TNPO1: variants seen among roughly 807,000 people sequenced by gnomAD.
TNPO1 encodes transportin-1.
A neutral mutation model predicts 119.5 loss-of-function variants in TNPO1; 8 were observed. The ratio of observed to expected loss-of-function variants is 0.07; its 90% CI spans 0.04 to 0.12. The LOEUF is 0.12. Ranked by LOEUF, TNPO1 falls within the 10% of genes least tolerant of loss-of-function variation. TNPO1 has a pLI of 1.00. For synonymous variants in TNPO1, 362 were observed against 363.0 expected, an observed-to-expected ratio of 1.00 and a Z score of 0.03; for missense variants, 576 against 1,089.8, an observed-to-expected ratio of 0.53 and a Z score of 6.64.
chr5:72,848,469 G>A lies in TNPO1; in HGVS notation c.100G>A (p.Asp34Asn). ...GCTGTTGAAGGAGTCCCAGTCCCCAGACACCACCATCCAGAGAACCGTGCA... is the reference window on the plus strand; with the variant it reads ...GCTGTTGAAGGAGTCCCAGTCCCCAAACACCACCATCCAGAGAACCGTGCA... The part of the protein sequence containing the change: ...LQLLKESQSP[D>N]TTIQRTVQQK... Residue 34 changes from aspartate (D) to asparagine (N), a missense_variant, in exon 2 of 25, where the codon GAC becomes AAC. By Grantham distance (23) the Asp-to-Asn change is conservative. Transcript: ENST00000337273. 1 of 1,611,128 alleles carries A rather than the reference G, an allele frequency of 6.2e-7. No homozygotes were observed. Among genetic ancestry groups the A allele is most frequent in the Non-Finnish European group, 8.5e-7 (1 of 1,178,522 alleles).
intron 8 of TNPO1, among the ~76,000 whole-genome samples, chr5:72,876,948 A>T (rs1356931196): frequency 1.3e-5 from 2 of 151,926 alleles, no homozygotes; most frequent in Non-Finnish European, 2.9e-5. Flanking sequence ...CAAAAAAATT[A>T]GCCGGGTGTG....
At chr5:72,875,586 A>G in intron 7 of TNPO1, 29 bp from the exon 8 acceptor site, 1 of 1,606,174 alleles carries the variant, frequency 6.2e-7, no homozygotes, top group Non-Finnish European at 8.5e-7. Context: ...CCTTTCTAAA[A>G]CTAGAAAAAA....
intron 19 of TNPO1, among the ~76,000 whole-genome samples, chr5:72,896,766 G>A (rs1167006217): frequency 6.6e-6 from 1 of 152,152 alleles, no homozygotes; most frequent in Non-Finnish European, 1.5e-5. Context: ...CTATTTGGGA[G>A]GCTGAGTCAG....
In TNPO1 at chr5:72,851,240, C is replaced by G; in HGVS notation, c.130-4C>G. ...GAAGTTTCCTTAACTACTGTTTGTT[C>G]TAGAAACTGGAACAACTTAATCAGT... On this transcript the variant is annotated splice_region_variant and splice_polypyrimidine_tract_variant and intron_variant, in intron 2 of 24. Transcript: ENST00000337273. 1 of 1,577,118 alleles carries G rather than the reference C, an allele frequency of 6.3e-7. No individual in the cohort carries two copies. Among genetic ancestry groups the G allele is most frequent in the Non-Finnish European group, 8.7e-7 (1 of 1,153,232 alleles).
At chr5:72,836,866 C>T (rs1247911751) in intron 1 of TNPO1, among the ~76,000 whole-genome samples, 5 of 152,190 alleles carry the variant, frequency 3.3e-5, no homozygotes, top group Non-Finnish European at 5.9e-5. Flanking sequence ...AAGTTCTTTG[C>T]CCCTTTGCAA....
At chr5:72,884,821 G>A (rs554026968) in intron 11 of TNPO1, among the ~76,000 whole-genome samples, 4 of 151,990 alleles carry the variant, frequency 2.6e-5, no homozygotes, top group Admixed American at 1.3e-4. Context: ...TGTCCTGCAC[G>A]TTGTGGGATG....
intron 11 of TNPO1, among the ~76,000 whole-genome samples, chr5:72,884,965 A>G (rs1053435773): frequency 1.3e-5 from 2 of 152,186 alleles, no homozygotes; most frequent in Non-Finnish European, 2.9e-5. Flanking sequence ...TGGGATTTCT[A>G]ATAACTATGA....
chr5:72,861,463 A>C (rs1274026271), intron 4 of TNPO1, among the ~76,000 whole-genome samples: 1 of 152,096 alleles, frequency 6.6e-6, no homozygotes, highest in Non-Finnish European at 1.5e-5. Flanking sequence ...GTGTGGTCTC[A>C]TAGTCATGGC....
At chr5:72,868,456 A>ACAC (rs1747113899) in intron 6 of TNPO1, among the ~76,000 whole-genome samples, 9 of 133,070 alleles carry the variant, frequency 6.8e-5, no homozygotes, top group Non-Finnish European at 1.4e-4. Context: ...AAAAAAAAAA[A>ACAC]AAACACAAAA....
chr5:72,848,325 G>T, intron 1 of TNPO1, 60 bp from the exon 2 acceptor site: 1 of 1,527,136 alleles, frequency 6.5e-7, no homozygotes, highest in South Asian at 1.2e-5. Flanking sequence ...GAAGCCTCTG[G>T]GCCTGTGCAC....
intron 2 of TNPO1, 179 bp from the exon 3 acceptor site, chr5:72,851,065 C>T (rs1745509025): frequency 5.5e-6 from 3 of 549,468 alleles, no homozygotes; most frequent in South Asian, 2.1e-5. Context: ...GTTTAGCAAG[C>T]ACTAGCGTGT....
intron 1 of TNPO1, among the ~76,000 whole-genome samples, chr5:72,825,286 C>T (rs1318656113): frequency 6.6e-6 from 1 of 152,194 alleles, no homozygotes; most frequent in Non-Finnish European, 1.5e-5. Flanking sequence ...CCTGCAATGG[C>T]TCCTGTTACG....
In TNPO1 at chr5:72,911,400, G is replaced by A. The variant is rs1750555203; in HGVS notation, c.*2727G>A. ...AATATGACTGGCAACCTGAATTTGA[G>A]TTGGGATTCTTTGTGTATTTTTCCC... is the stretch of plus-strand genomic sequence containing the variant. On this transcript the variant is annotated 3_prime_UTR_variant, in exon 25 of 25. Transcript: ENST00000337273. 6.6e-6 allele frequency: 1 copy of A among 152,298 alleles called. No individual in the cohort carries two copies. The highest frequency in any genetic ancestry group is 2.1e-4 in the South Asian group (1 of 4,820). 9.4% of individuals were successfully genotyped at this position (152,298 alleles called of 1,614,324 possible). A position where few individuals can be genotyped will look rare whatever the true frequency, so the allele number is the denominator to read the frequency against.
intron 9 of TNPO1, among the ~76,000 whole-genome samples, chr5:72,877,970 C>G (rs969657466): frequency 2.0e-5 from 3 of 151,950 alleles, no homozygotes; most frequent in Non-Finnish European, 2.9e-5. Flanking sequence ...TGACATCTTG[C>G]CTATAGTTAG....
At chr5:72,868,338 A>G (rs1446896539) in intron 6 of TNPO1, among the ~76,000 whole-genome samples, 1 of 143,668 alleles carries the variant, frequency 7.0e-6, no homozygotes, top group African/African-American at 2.5e-5. Flanking sequence ...AGGCTGAGGC[A>G]GGAGAATGGC....
At chr5:72,886,218 G>A (rs1748622914) in intron 11 of TNPO1, among the ~76,000 whole-genome samples, 1 of 152,010 alleles carries the variant, frequency 6.6e-6, no homozygotes, top group Admixed American at 6.6e-5. Flanking sequence ...TAAAATCTGG[G>A]TTGATTTATA....
chr5:72,853,850 TC>T (rs1745780216), intron 3 of TNPO1, among the ~76,000 whole-genome samples: 2 of 152,228 alleles, frequency 1.3e-5, no homozygotes. Context: ...AGATCTCAGA[TC>T]AGCTGCTCTA....
chr5:72,820,643 G>A (rs376181071), intron 1 of TNPO1, among the ~76,000 whole-genome samples: 61 of 152,260 alleles, frequency 4.0e-4, no homozygotes, highest in African/African-American at 1.4e-3. Context: ...CAGAGCGTTC[G>A]AGCCTGAATC....
Position 72,855,933 on chromosome 5 carries a change from A to G in TNPO1, c.355+10A>G. On this transcript the variant is annotated intron_variant, in intron 4 of 24. Coordinates refer to ENST00000337273, the MANE Select transcript of TNPO1 (RefSeq NM_002270.4). ...ATTAGAGCCACTGTTGGTAAGTTAT[A>G]TTACAACAGTTTTGCTTACTTTGTT... 1 of 1,612,074 alleles carries G rather than the reference A, an allele frequency of 6.2e-7. No homozygotes were observed. Among genetic ancestry groups the G allele is most frequent in the East Asian group, 2.2e-5 (1 of 44,798 alleles).
Sources: gnomAD v4.1 joint callset for allele counts (sites outside exome capture counted in the v4.1 genomes callset) on GRCh38, gnomAD v4.1.1 for gene constraint, MANE v1.5 for transcripts, NCBI Gene and HGNC (gene_info 2026-07-23, HGNC 2026-07-21) for gene names.